VRK1: variants seen among roughly 807,000 people sequenced by gnomAD.
VRK1 encodes serine/threonine-protein kinase VRK1.
In VRK1, 33 loss-of-function variants were observed where a neutral mutation model predicts 57.1. That is an observed-to-expected ratio of 0.58 (90% CI 0.44 to 0.77). The LOEUF (loss-of-function observed/expected upper bound fraction) is 0.77, where lower values mean the gene tolerates loss of function less well. Among genes scored for constraint, VRK1 ranks in the 30% least tolerant of loss-of-function variants. VRK1 has a pLI of 0.00. For synonymous variants in VRK1, 137 were observed against 147.8 expected (o/e 0.93, Z 0.53); for missense variants, 413 against 477.3 (o/e 0.87, Z 1.25).
rs779532968 is a variant in VRK1, at chr14:96,853,159, C to T, written c.569C>T (p.Pro190Leu). The change falls in exon 7 of 13, where the codon CCT becomes CTT. Residue 190 changes from proline to leucine, a missense_variant. Pro to Leu is a moderately conservative substitution (Grantham distance 98). Around this residue, in one of 3 missense-constraint regions of VRK1, gnomAD observed 151 missense variants for 225.5 expected, o/e 0.67. Coordinates refer to ENST00000216639, the MANE Select transcript of VRK1 (RefSeq NM_003384.3). ...AATCTTCTTCTGAACTACAAGAATC[C>T]TGACCAGGTAGTTTTATAACTTTAA... Reference protein sequence around the residue: ...ASNLLLNYKNPDQVYLVDYGL... With the variant: ...ASNLLLNYKNLDQVYLVDYGL... 1 of 1,612,672 alleles carries T rather than the reference C, an allele frequency of 6.2e-7. No homozygotes were observed. The highest frequency in any genetic ancestry group is 1.3e-5 in the African/African-American group (1 of 74,888).
intron 7 of VRK1, among the ~76,000 whole-genome samples, chr14:96,854,856 A>G (rs1457265117): frequency 6.6e-6 from 1 of 152,200 alleles, no homozygotes; most frequent in East Asian, 1.9e-4. Flanking sequence ...TATTGCAACA[A>G]GTATTGACGG....
At chr14:96,866,697 T>A (rs1171921843) in intron 11 of VRK1, among the ~76,000 whole-genome samples, 1 of 152,152 alleles carries the variant, frequency 6.6e-6, no homozygotes, top group Non-Finnish European at 1.5e-5. Context: ...CTGACTTACA[T>A]CTTCTAGACT....
chr14:96,852,292 A>G (rs1377198647), intron 5 of VRK1, among the ~76,000 whole-genome samples: 1 of 152,262 alleles, frequency 6.6e-6, no homozygotes, highest in East Asian at 1.9e-4. Context: ...GTTTTTCCCC[A>G]AATCTTGGCC....
In VRK1 at chr14:96,822,697, T is replaced by G. The variant is rs182002383; in HGVS notation, c.-5-10770T>G. 4.5e-3 allele frequency among the ~76,000 whole-genome samples: 691 copies of G among 152,360 alleles called. 3 individuals are homozygous for G. The highest frequency in any genetic ancestry group is 0.034 in the Middle Eastern group (10 of 292). On this transcript the variant is annotated intron_variant, in intron 1 of 12. Transcript: ENST00000216639. Reference sequence around the variant, plus strand: ...GAGAATTAAGTCAGCAGGAGAATTTTTCTTGACTTAGGTGTTCAGTGCATG... The same window carrying G: ...GAGAATTAAGTCAGCAGGAGAATTTGTCTTGACTTAGGTGTTCAGTGCATG...
chr14:96,842,302 A>G (rs1242027605), intron 3 of VRK1, among the ~76,000 whole-genome samples: 6 of 152,194 alleles, frequency 3.9e-5, no homozygotes, highest in African/African-American at 1.2e-4. Flanking sequence ...TAATATTAAT[A>G]GTTGAAATGT....
intron 1 of VRK1, among the ~76,000 whole-genome samples, chr14:96,806,867 A>C (rs916901987): frequency 1.4e-5 from 2 of 146,552 alleles, no homozygotes; most frequent in Non-Finnish European, 3.0e-5. Context: ...CGCTCTGTCA[A>C]CCAGGCTGGA....
chr14:96,860,581 C>G lies in VRK1; in HGVS notation c.914C>G (p.Thr305Arg). 1 of 1,612,718 alleles carries G rather than the reference C, an allele frequency of 6.2e-7. No individual in the cohort carries two copies. The highest frequency in any genetic ancestry group is 8.5e-7 in the Non-Finnish European group (1 of 1,179,228). The change falls in exon 11 of 13, where the codon ACA (threonine) becomes AGA (arginine). Residue 305 changes from threonine to arginine, a missense_variant. By Grantham distance (71) the Thr-to-Arg change is moderately conservative. This residue lies in a region of VRK1 where 146 missense variants were observed against 138.2 expected (regional missense o/e 1.06). Transcript: ENST00000216639. Reference sequence around the variant, plus strand: ...GGTGAAATTGCCAAATACATGGAAACAGTGAAATTACTAGACTACACTGAA... The same window carrying G: ...GGTGAAATTGCCAAATACATGGAAAGAGTGAAATTACTAGACTACACTGAA... ...KPGEIAKYME[T>R]VKLLDYTEKP...
rs902439355 is a variant in VRK1 at position 96,833,479 on chromosome 14, G to A, written c.8G>A (p.Arg3His). The change falls in exon 2 of 13, where the codon CGT becomes CAT. Residue 3 changes from arginine to histidine, a missense_variant. Transcript: ENST00000216639. ...TTTTATGTTATAGTGAAAATGCCTC[G>A]TGTAAAAGCAGCTCAAGCTGGAAGA... MP[R>H]VKAAQAGRQS... The A allele has an allele frequency of 4.3e-6, 7 of 1,613,444 alleles. No homozygotes were observed. Among genetic ancestry groups the A allele is most frequent in the Admixed American group, 3.3e-5 (2 of 59,984 alleles).
chr14:96,831,252 A>C (rs141320666), intron 1 of VRK1, among the ~76,000 whole-genome samples: 2 of 152,244 alleles, frequency 1.3e-5, no homozygotes, highest in East Asian at 3.9e-4. Flanking sequence ...AATTTTGTAG[A>C]GATAAAGGGA....
rs537691739 is a variant in VRK1, at chr14:96,860,818, C to G, written c.1068+83C>G. 4.2e-6 allele frequency: 6 copies of G among 1,440,756 alleles called. No individual in the cohort carries two copies. In the African/African-American group the frequency reaches 5.7e-5, roughly 14 times the overall value. The allele number at this position is 1,440,756 out of a possible 1,614,324, so 89.2% of individuals were successfully genotyped here. On this transcript the variant is annotated intron_variant, in intron 11 of 12. Transcript: ENST00000216639. The stretch of plus-strand genomic sequence containing the variant: ...ACTAAAAGAAAGTATAGCAGTAGTT[C>G]AATGAAGAACAATAACAGATTGCAT...
chr14:96,819,543 GT>G (rs1052842381), intron 1 of VRK1, among the ~76,000 whole-genome samples: 1 of 152,152 alleles, frequency 6.6e-6, no homozygotes, highest in African/African-American at 2.4e-5. Context: ...AATAATTGCG[GT>G]TTTGGACTGT....
At chr14:96,819,480 G>T (rs1340296096) in intron 1 of VRK1, among the ~76,000 whole-genome samples, 2 of 152,138 alleles carry the variant, frequency 1.3e-5, no homozygotes, top group Non-Finnish European at 2.9e-5. Context: ...GGGCTGTTGT[G>T]GAGTAAGGCC....
chr14:96,869,192 A>C (rs1888714219), intron 11 of VRK1, among the ~76,000 whole-genome samples: 1 of 152,238 alleles, frequency 6.6e-6, no homozygotes, highest in South Asian at 2.1e-4. Context: ...TAAAAGATAT[A>C]AAGTGCTTAG....
At chr14:96,855,016 C>G (rs550862207) in intron 7 of VRK1, among the ~76,000 whole-genome samples, 12 of 152,186 alleles carry the variant, frequency 7.9e-5, no homozygotes, top group African/African-American at 2.9e-4. Flanking sequence ...GCTATGTGGT[C>G]ATTTAACATT....
At chr14:96,880,029 G>GA (rs1161731452) in intron 12 of VRK1, among the ~76,000 whole-genome samples, 2 of 151,944 alleles carry the variant, frequency 1.3e-5, no homozygotes, top group Non-Finnish European at 2.9e-5. Flanking sequence ...AGAAATTTAA[G>GA]AAAAAAACTC....
At chr14:96,809,326 AT>A (rs1273980790) in intron 1 of VRK1, among the ~76,000 whole-genome samples, 2 of 152,222 alleles carry the variant, frequency 1.3e-5, no homozygotes, top group African/African-American at 4.8e-5. Context: ...GTGTCAAAGA[AT>A]TTGTGGTCAT....
chr14:96,834,921 C>T (rs1887156623), intron 2 of VRK1, among the ~76,000 whole-genome samples: 1 of 152,070 alleles, frequency 6.6e-6, no homozygotes, highest in South Asian at 2.1e-4. Flanking sequence ...TTATGCCATC[C>T]TGTATTAATA....
intron 10 of VRK1, among the ~76,000 whole-genome samples, chr14:96,857,124 G>GAACAA: frequency 6.6e-6 from 1 of 152,272 alleles, no homozygotes; most frequent in Non-Finnish European, 1.5e-5. Context: ...GTACATCAGT[G>GAACAA]AACAAAACAA....
chr14:96,839,748 G>GT (rs906738597), intron 3 of VRK1, among the ~76,000 whole-genome samples: 3 of 152,036 alleles, frequency 2.0e-5, no homozygotes, highest in Admixed American at 6.6e-5. Context: ...TAGTAAGAGA[G>GT]TTTTTTTCTG....
Sources: allele counts gnomAD v4.1 joint callset (sites outside exome capture counted in the v4.1 genomes callset), GRCh38; gene constraint gnomAD v4.1.1; regional missense constraint gnomAD v4.1.1; transcripts MANE v1.5; gene names NCBI Gene and HGNC (gene_info 2026-07-23, HGNC 2026-07-21).